The following SLC25A4 variants were observed in gnomAD, a reference collection of about 807,000 sequenced individuals.
The protein encoded by SLC25A4 is solute carrier family 25 member 4, also known as ADP/ATP translocase 1.
SLC25A4 carries 10 observed loss-of-function variants against 24.7 expected under a neutral mutation model. That is an observed-to-expected ratio of 0.41 (90% confidence interval 0.25 to 0.69). The LOEUF (loss-of-function observed/expected upper bound fraction) is 0.69. Ranked by LOEUF, SLC25A4 falls within the 30% of genes least tolerant of loss-of-function variation. The pLI is 0.35. For synonymous variants in SLC25A4, 125 were observed against 153.3 expected (o/e 0.82, Z 1.36); for missense variants, 273 against 387.6 (o/e 0.70, Z 2.48).
chr4:185,144,454 C>T (rs970571093), intron 1 of SLC25A4, among the ~76,000 whole-genome samples: 1 of 152,072 alleles, frequency 6.6e-6, no homozygotes, highest in Non-Finnish European at 1.5e-5. Context: ...GTTCTCAAAC[C>T]TAGGGAAAGT....
chr4:185,147,039 G>A lies in SLC25A4; in HGVS notation c.*68G>A, dbSNP rs1303982263. ...CTACAAGTTCACAGATCCATTGTGT[G>A]GTTTAATAGACTATTCCTAGGGGAA... On this transcript the variant is annotated 3_prime_UTR_variant, in exon 4 of 4. Coordinates refer to ENST00000281456, the MANE Select transcript of SLC25A4 (RefSeq NM_001151.4). The A allele has an allele frequency of 3.5e-6, 5 of 1,435,588 alleles. No individual in the cohort carries two copies. The African/African-American group carries it at 7.0e-5, about 20-fold the overall frequency. 88.9% of individuals were successfully genotyped at this position (1,435,588 alleles called of 1,614,324 possible).
chr4:185,144,747 AC>A lies in SLC25A4; in HGVS notation c.112-14del, dbSNP rs770448286. 6.2e-7 allele frequency: 1 copy of A among 1,607,928 alleles called. No individual in the cohort carries two copies. Among genetic ancestry groups the A allele is most frequent in the South Asian group, 1.1e-5 (1 of 90,772 alleles). ...CTACCCTGCCTGTCCTCTGTCACCC[AC>A]CCTCCCCTCCACCAGGTCCAGCATG... On this transcript the variant is annotated splice_polypyrimidine_tract_variant and intron_variant, in intron 1 of 3. Coordinates refer to ENST00000281456, the MANE Select transcript of SLC25A4 (RefSeq NM_001151.4).
In SLC25A4 at chr4:185,143,384, C is replaced by T. The variant is rs1057520639; in HGVS notation, c.12C>T (p.His4=). MGD[H]AWSFLKDFLA... Reference sequence around the variant, plus strand: ...GTCGAGCTGTCACCATGGGTGATCACGCTTGGAGCTTCCTAAAGGACTTCC... The same window carrying T: ...GTCGAGCTGTCACCATGGGTGATCATGCTTGGAGCTTCCTAAAGGACTTCC... The change falls in exon 1 of 4, where the codon CAC becomes CAT. Residue 4 remains histidine, a synonymous_variant. Transcript: ENST00000281456. 6.5e-7 allele frequency: 1 copy of T among 1,528,422 alleles called. No homozygotes were observed. The highest frequency in any genetic ancestry group is 1.4e-5 in the African/African-American group (1 of 71,404). 94.7% of individuals were successfully genotyped at this position (1,528,422 alleles called of 1,614,324 possible).
In SLC25A4 at chr4:185,145,550, T is replaced by C. The variant is rs1734427257; in HGVS notation, c.599-209T>C. 4 of 678,172 alleles carry C rather than the reference T, an allele frequency of 5.9e-6. No homozygotes were observed. The Admixed American group carries it at 8.6e-5, about 15-fold the overall frequency. The allele number at this position is 678,172 out of a possible 1,614,324, so 42.0% of individuals were successfully genotyped here. A position where few individuals can be genotyped will look rare whatever the true frequency, so the allele number is the denominator to read the frequency against. On this transcript the variant is annotated intron_variant, in intron 2 of 3. Coordinates refer to ENST00000281456, the MANE Select transcript of SLC25A4 (RefSeq NM_001151.4). This position sits in a 1 kb window ranked among gnomAD's most constrained non-coding sequence, Gnocchi z 5.5. ...TTGAAGCCACTTCCAATGCCCTGTA[T>C]ACAAGCTGAGCACTGCCCCTCCGGG...
chr4:185,146,745 G>A, intron 3 of SLC25A4, 69 bp from the exon 4 acceptor site: 1 of 1,575,678 alleles, frequency 6.3e-7, no homozygotes, highest in Non-Finnish European at 8.7e-7. Context: ...AGTGTGTACA[G>A]ATATGTTTCA....
In SLC25A4 at chr4:185,146,942, T is replaced by G. The variant is rs774787245; in HGVS notation, c.868T>G (p.Leu290Val). 1 of 1,614,152 alleles carries G rather than the reference T, an allele frequency of 6.2e-7. No homozygotes were observed. Among genetic ancestry groups the G allele is most frequent in the Non-Finnish European group, 8.5e-7 (1 of 1,180,012 alleles). ...RGMGGAFVLV[L>V]YDEIKKYV is the part of the protein sequence containing the mutation. Reference sequence around the variant, plus strand: ...CATGGGCGGTGCTTTTGTATTGGTGTTGTATGATGAGATCAAAAAATATGT... The same window carrying G: ...CATGGGCGGTGCTTTTGTATTGGTGGTGTATGATGAGATCAAAAAATATGT... Residue 290 changes from leucine (L) to valine (V), a missense_variant, in exon 4 of 4, where the codon TTG becomes GTG. Physicochemically the swap from Leu to Val is conservative, Grantham distance 32. Coordinates refer to ENST00000281456, the MANE Select transcript of SLC25A4 (RefSeq NM_001151.4).
rs1734458122 is a variant in SLC25A4, at chr4:185,147,244, G to A, written c.*273G>A. ...TGAAGAATTGATAATAACTGAATGTGAAACATCAATAAAGACCACTTAATG... is the reference window on the plus strand; with the variant it reads ...TGAAGAATTGATAATAACTGAATGTAAAACATCAATAAAGACCACTTAATG... On this transcript the variant is annotated 3_prime_UTR_variant, in exon 4 of 4. Coordinates refer to ENST00000281456, the MANE Select transcript of SLC25A4 (RefSeq NM_001151.4). The A allele has an allele frequency of 2.7e-6, 1 of 372,484 alleles. No homozygotes were observed. 23.1% of individuals were successfully genotyped at this position (372,484 alleles called of 1,614,324 possible).
chr4:185,143,604 G>GGCGCCCGCCCGC, intron 1 of SLC25A4, 121 bp downstream of exon 1: 1 of 140,486 alleles, frequency 7.1e-6, no homozygotes, highest in South Asian at 2.6e-4. Flanking sequence ...CACAGGCCCG[G>GGCGCCCGCCCGC]GCGCCCGCCC....
chr4:185,146,014 G>GT, intron 3 of SLC25A4, 115 bp downstream of exon 3: 1 of 1,262,696 alleles, frequency 7.9e-7, no homozygotes, highest in Admixed American at 2.0e-5. Context: ...ATTTGATAAG[G>GT]ACTTAGGGAA....
chr4:185,146,486 G>A (rs1734444794), intron 3 of SLC25A4, among the ~76,000 whole-genome samples: 1 of 152,168 alleles, frequency 6.6e-6, no homozygotes, highest in South Asian at 2.1e-4. Flanking sequence ...CCTCAGTTCG[G>A]TCCTCCATAA....
chr4:185,144,673 A>G, intron 1 of SLC25A4, 91 bp from the exon 2 acceptor site: 2 of 1,260,784 alleles, frequency 1.6e-6, no homozygotes, highest in South Asian at 1.3e-5. Flanking sequence ...CAAAAAAAAA[A>G]TCTAGGAAGT....
chr4:185,148,405 G>A lies in SLC25A4; in HGVS notation c.*1434G>A, dbSNP rs1374998030. On this transcript the variant is annotated 3_prime_UTR_variant, in exon 4 of 4. Transcript: ENST00000281456. Reference sequence around the variant, plus strand: ...TATTTAATACCTCTTAGGCCCCGTGGAAGGGAAAATAGATAGGAACCTGCC... The same window carrying A: ...TATTTAATACCTCTTAGGCCCCGTGAAAGGGAAAATAGATAGGAACCTGCC... 1.3e-5 allele frequency: 2 copies of A among 152,200 alleles called. No homozygotes were observed. Among genetic ancestry groups the A allele is most frequent in the Non-Finnish European group, 2.9e-5 (2 of 68,050 alleles). The allele number at this position is 152,200 out of a possible 1,614,324, so 9.4% of individuals were successfully genotyped here.
In SLC25A4 at chr4:185,144,867, G is replaced by A; in HGVS notation, c.215G>A (p.Arg72Lys). The A allele has an allele frequency of 6.2e-7, 1 of 1,614,182 alleles. No homozygotes were observed. Among genetic ancestry groups the A allele is most frequent in the Non-Finnish European group, 8.5e-7 (1 of 1,180,028 alleles). Residue 72 changes from arginine to lysine, a missense_variant, in exon 2 of 4, where the codon AGG (arginine) becomes AAG (lysine). Arg to Lys is a conservative substitution (Grantham distance 26). Transcript: ENST00000281456. ...PKEQGFLSFWRGNLANVIRYF... is the reference protein window; with the variant it reads ...PKEQGFLSFWKGNLANVIRYF... The stretch of plus-strand genomic sequence containing the variant: ...GAGCAGGGCTTCCTCTCCTTCTGGA[G>A]GGGTAACCTGGCCAACGTGATCCGT...
At position 185,149,879 on chromosome 4, in the gene SLC25A4, T is replaced by G. The variant is rs1293461358; in HGVS notation, c.*2908T>G. The G allele has an allele frequency of 6.6e-6, 1 of 152,216 alleles. No homozygotes were observed. The highest frequency in any genetic ancestry group is 1.5e-5 in the Non-Finnish European group (1 of 68,050). The allele number at this position is 152,216 out of a possible 1,614,324, so 9.4% of individuals were successfully genotyped here. A position where few individuals can be genotyped will look rare whatever the true frequency, so the allele number is the denominator to read the frequency against. ...TGTATTTTAAATGTATGAGAAAAAT[T>G]ATGGAGGATGATGCAAGATGAGTGA... On this transcript the variant is annotated 3_prime_UTR_variant, in exon 4 of 4. Transcript: ENST00000281456.
chr4:185,145,731 C>T lies in SLC25A4; in HGVS notation c.599-28C>T. 1 of 1,614,010 alleles carries T rather than the reference C, an allele frequency of 6.2e-7. No homozygotes were observed. The highest frequency in any genetic ancestry group is 8.5e-7 in the Non-Finnish European group (1 of 1,179,900). On this transcript the variant is annotated intron_variant, in intron 2 of 3. Coordinates refer to ENST00000281456, the MANE Select transcript of SLC25A4 (RefSeq NM_001151.4). The surrounding 1 kb of genome is among the most constrained non-coding windows in gnomAD (Gnocchi z 5.5). ...TCTGCTGAGAACAGGCACTTCATAG[C>T]CGTTCGGCTTCTGGGCTCTGTCCAC...
At position 185,147,648 on chromosome 4, in the gene SLC25A4, G is replaced by A. The variant is rs573902133; in HGVS notation, c.*677G>A. On this transcript the variant is annotated 3_prime_UTR_variant, in exon 4 of 4. Transcript: ENST00000281456. ...TCTGTTTTCATCCCTTTAGATAACT[G>A]TGACACCTAGAATTTTATGTTAAGT... is the stretch of plus-strand genomic sequence containing the variant. The A allele has an allele frequency of 6.6e-6, 1 of 152,438 alleles. No individual in the cohort carries two copies. Among genetic ancestry groups the A allele is most frequent in the South Asian group, 2.1e-4 (1 of 4,828 alleles). 9.4% of individuals were successfully genotyped at this position (152,438 alleles called of 1,614,324 possible). A position where few individuals can be genotyped will look rare whatever the true frequency, so the allele number is the denominator to read the frequency against.
Position 185,145,996 on chromosome 4 carries a change from T to A in SLC25A4, c.739+97T>A. On this transcript the variant is annotated intron_variant, in intron 3 of 3. Transcript: ENST00000281456. This position sits in a 1 kb window ranked among gnomAD's most constrained non-coding sequence, Gnocchi z 5.5. The stretch of plus-strand genomic sequence containing the variant: ...AGTCTTCCTTACTGGAAATTAATTT[T>A]CAAAATTATTTGATAAGGACTTAGG... 7.0e-7 allele frequency: 1 copy of A among 1,425,216 alleles called. No homozygotes were observed. Among genetic ancestry groups the A allele is most frequent in the East Asian group, 2.4e-5 (1 of 41,660 alleles). The allele number at this position is 1,425,216 out of a possible 1,614,324, so 88.3% of individuals were successfully genotyped here.
At position 185,145,267 on chromosome 4, in the gene SLC25A4, G is replaced by T; in HGVS notation, c.598+17G>T. 1 of 1,613,728 alleles carries T rather than the reference G, an allele frequency of 6.2e-7. No homozygotes were observed. Among genetic ancestry groups the T allele is most frequent in the South Asian group, 1.1e-5 (1 of 91,060 alleles). On this transcript the variant is annotated intron_variant, in intron 2 of 3. Transcript: ENST00000281456. The surrounding 1 kb of genome is among the most constrained non-coding windows in gnomAD (Gnocchi z 5.5). ...CTGCCAAGGGTGAGAGAGGGGCATC[G>T]GGGAGAAGGAGGGTGGTGTGGAAAG... is the stretch of plus-strand genomic sequence containing the variant.
At position 185,146,923 on chromosome 4, in the gene SLC25A4, C is replaced by T. The variant is rs374918344; in HGVS notation, c.849C>T (p.Gly283=). 134 of 1,613,856 alleles carry T rather than the reference C, an allele frequency of 8.3e-5. No individual in the cohort carries two copies. The highest frequency in any genetic ancestry group is 3.3e-4 in the Middle Eastern group (2 of 6,082). The change falls in exon 4 of 4, where the codon GGC becomes GGT. Residue 283 remains glycine (G), a synonymous_variant. Transcript: ENST00000281456. ...GGTCCAATGTGCTGAGAGGCATGGG[C>T]GGTGCTTTTGTATTGGTGTTGTATG... ...GAWSNVLRGM[G]GAFVLVLYDE... is the part of the protein sequence containing the mutation.
Sources: gnomAD v4.1 joint callset for allele counts (sites outside exome capture counted in the v4.1 genomes callset) on GRCh38, gnomAD v4.1.1 for gene constraint, Gnocchi (gnomAD v3.1) non-coding constraint, MANE v1.5 for transcripts, NCBI Gene and HGNC (gene_info 2026-07-23, HGNC 2026-07-21) for gene names.